NALF1: variants seen among roughly 807,000 people sequenced by gnomAD.
NALF1 encodes the protein family with sequence similarity 155 member A.
A neutral mutation model predicts 48.4 loss-of-function variants in NALF1; 3 were observed. The observed-to-expected ratio is 0.06, with a 90% CI of 0.03 to 0.16. NALF1 has a LOEUF of 0.16. Among genes scored for constraint, NALF1 ranks in the 10% least tolerant of loss-of-function variants. The pLI, the probability that NALF1 is intolerant of heterozygous loss-of-function variation, is 1.00. For synonymous variants in NALF1, 262 were observed against 245.7 expected (o/e 1.07, Z -0.62); for missense variants, 526 against 571.5 (o/e 0.92, Z 0.81).
chr13:107,192,759 C>T (rs545946478), intron 2 of NALF1, among the ~76,000 whole-genome samples: 3 of 152,208 alleles, frequency 2.0e-5, no homozygotes, highest in East Asian at 1.9e-4. Flanking sequence ...CCTATGACTA[C>T]AAAGGAGTAA....
intron 2 of NALF1, among the ~76,000 whole-genome samples, chr13:107,183,986 AT>A (rs1879121169): frequency 7.2e-6 from 1 of 139,292 alleles, no homozygotes; most frequent in Admixed American, 7.1e-5. Context: ...TTTTTTTTTT[AT>A]TTTCTTTTTG....
chr13:107,446,489 T>C (rs1884653478), intron 1 of NALF1, among the ~76,000 whole-genome samples: 1 of 152,106 alleles, frequency 6.6e-6, no homozygotes, highest in Admixed American at 6.6e-5. Flanking sequence ...CGTTACTTTC[T>C]AGAATTTAAC....
chr13:107,832,508 A>T (rs1594301539), intron 1 of NALF1, among the ~76,000 whole-genome samples: 1 of 152,220 alleles, frequency 6.6e-6, no homozygotes, highest in Non-Finnish European at 1.5e-5. Flanking sequence ...AGCACCTCAA[A>T]TCTAATATGT....
Position 107,715,748 on chromosome 13 carries a change from C to A in NALF1, c.915+149934G>T, listed in dbSNP as rs190534245. 1.3e-3 allele frequency among the ~76,000 whole-genome samples: 201 copies of A among 152,236 alleles called. 1 individual carries two copies. Among genetic ancestry groups the A allele is most frequent in the African/African-American group, 4.6e-3 (193 of 41,550 alleles). On this transcript the variant is annotated intron_variant, in intron 1 of 2. Transcript: ENST00000375915. ...GTGCCCTTCTGGCACGGAGGCCTCT[C>A]ACGTCTTTACACTTGCCAATGTGTT...
intron 1 of NALF1, among the ~76,000 whole-genome samples, chr13:107,830,178 T>C (rs753904023): frequency 6.6e-6 from 1 of 152,224 alleles, no homozygotes; most frequent in Non-Finnish European, 1.5e-5. Flanking sequence ...ACTCGATGAA[T>C]GATCTTCCAG....
chr13:107,508,907 G>A (rs2139085490), intron 1 of NALF1, among the ~76,000 whole-genome samples: 1 of 151,852 alleles, frequency 6.6e-6, no homozygotes, highest in South Asian at 2.1e-4. Context: ...TTAAAACTTG[G>A]ATTTAGGAAG....
At chr13:107,666,349 G>A (rs760377343) in intron 1 of NALF1, among the ~76,000 whole-genome samples, 1 of 152,134 alleles carries the variant, frequency 6.6e-6, no homozygotes, top group East Asian at 1.9e-4. Context: ...GGTAGCCATT[G>A]CTTTGATTGT....
chr13:107,432,307 C>T (rs980123010), intron 1 of NALF1, among the ~76,000 whole-genome samples: 3 of 152,176 alleles, frequency 2.0e-5, no homozygotes, highest in Admixed American at 1.3e-4. Context: ...CCACCAGGCC[C>T]CACCTGCAAC....
intron 1 of NALF1, among the ~76,000 whole-genome samples, chr13:107,439,537 A>G (rs866678876): frequency 1.1e-4 from 16 of 152,190 alleles, no homozygotes; most frequent in African/African-American, 3.4e-4. Context: ...TTGTGGTTTT[A>G]AGAAAAAAAG....
At chr13:107,859,879 C>T (rs1361882628) in intron 1 of NALF1, among the ~76,000 whole-genome samples, 1 of 133,964 alleles carries the variant, frequency 7.5e-6, no homozygotes, top group Non-Finnish European at 1.5e-5. Flanking sequence ...CACGCCACTG[C>T]ACTCCAGCCT....
At chr13:107,808,674 A>ATT (rs1878886194) in intron 1 of NALF1, among the ~76,000 whole-genome samples, 1 of 136,910 alleles carries the variant, frequency 7.3e-6, no homozygotes, top group African/African-American at 3.7e-5. Context: ...AGATTTAAAA[A>ATT]AAAAAAAAAA....
intron 1 of NALF1, among the ~76,000 whole-genome samples, chr13:107,486,202 T>C (rs1401281610): frequency 1.3e-5 from 2 of 152,092 alleles, no homozygotes; most frequent in Non-Finnish European, 2.9e-5. Flanking sequence ...TTGGCCAAGA[T>C]TGCACACACA....
rs148474682 is a variant in NALF1 at position 107,168,581 on chromosome 13, A to AT, written c.*1915dup. 1,225 of 152,618 alleles carry AT rather than the reference A, an allele frequency of 8.0e-3. 24 individuals are homozygous for AT. Among genetic ancestry groups the AT allele is most frequent in the African/African-American group, 0.028 (1,172 of 41,514 alleles). The allele number at this position is 152,618 out of a possible 1,614,324, so 9.5% of individuals were successfully genotyped here. A position where few individuals can be genotyped will look rare whatever the true frequency, so the allele number is the denominator to read the frequency against. On this transcript the variant is annotated 3_prime_UTR_variant, in exon 3 of 3. Coordinates refer to ENST00000375915, the MANE Select transcript of NALF1 (RefSeq NM_001080396.3). ...TTGTATTTGCGCAGACCATTTTAAG[A>AT]TTTTCAGTCTCAACAAAACACTATT...
At chr13:107,760,580 C>T (rs1877235901) in intron 1 of NALF1, among the ~76,000 whole-genome samples, 1 of 152,204 alleles carries the variant, frequency 6.6e-6, no homozygotes, top group Non-Finnish European at 1.5e-5. Flanking sequence ...TTCAGCAAGT[C>T]ACTGAGGCTC....
chr13:107,783,891 G>C (rs954991506), intron 1 of NALF1, among the ~76,000 whole-genome samples: 1 of 133,780 alleles, frequency 7.5e-6, no homozygotes, highest in South Asian at 2.5e-4. Flanking sequence ...AAAAAAAAAA[G>C]AAAATCTTAT....
chr13:107,864,532 T>A (rs1295222097), intron 1 of NALF1, among the ~76,000 whole-genome samples: 1 of 152,216 alleles, frequency 6.6e-6, no homozygotes. Context: ...TATATGGGAT[T>A]GGGAAAGTAG....
chr13:107,309,236 G>A (rs1433822596), intron 1 of NALF1, among the ~76,000 whole-genome samples: 2 of 152,222 alleles, frequency 1.3e-5, no homozygotes, highest in Non-Finnish European at 2.9e-5. Context: ...TGTCTTTGGT[G>A]AGATGCTTTC....
In NALF1 at chr13:107,344,368, A is replaced by T. The variant is rs114034715; in HGVS notation, c.916-133613T>A. Among the ~76,000 whole-genome samples the T allele has an allele frequency of 6.1e-3, 926 of 152,290 alleles. 9 individuals carry two copies. The highest frequency in any genetic ancestry group is 0.021 in the African/African-American group (871 of 41,570). Reference sequence around the variant, plus strand: ...ATCATTACTCTGATACAAAAGCCAGACAACGATACTAACAGAAAAGAAAAT... The same window carrying T: ...ATCATTACTCTGATACAAAAGCCAGTCAACGATACTAACAGAAAAGAAAAT... On this transcript the variant is annotated intron_variant, in intron 1 of 2. Transcript: ENST00000375915.
chr13:107,467,277 C>T (rs1382094784), intron 1 of NALF1, among the ~76,000 whole-genome samples: 1 of 152,080 alleles, frequency 6.6e-6, no homozygotes, highest in African/African-American at 2.4e-5. Context: ...TGATAAATAT[C>T]AAATTAAAAT....
Sources: gnomAD v4.1 joint callset for allele counts (sites outside exome capture counted in the v4.1 genomes callset) on GRCh38, gnomAD v4.1.1 for gene constraint, MANE v1.5 for transcripts, NCBI Gene and HGNC (gene_info 2026-07-23, HGNC 2026-07-21) for gene names.